Variants in TAX1BP1 observed in about 807,000 individuals in gnomAD.
TAX1BP1 encodes the protein Tax1 binding protein 1.
TAX1BP1 carries 62 observed loss-of-function variants against 97.7 expected under a neutral mutation model. The observed-to-expected ratio is 0.63, with a 90% CI of 0.52 to 0.78. The LOEUF (loss-of-function observed/expected upper bound fraction) is 0.78. Ranked by LOEUF, TAX1BP1 falls within the 30% of genes least tolerant of loss-of-function variation. The pLI, the probability that TAX1BP1 is intolerant of heterozygous loss-of-function variation, is 0.00. For synonymous variants in TAX1BP1, 340 were observed against 304.2 expected, an observed-to-expected ratio of 1.12 and a Z score of -1.23; for missense variants, 867 against 916.1, an observed-to-expected ratio of 0.95 and a Z score of 0.69.
At chr7:27,816,793 C>T (rs1233104808) in intron 14 of TAX1BP1, 97 bp from the exon 15 acceptor site, 8 of 1,445,754 alleles carry the variant, frequency 5.5e-6, no homozygotes, top group African/African-American at 4.3e-5. Context: ...TTTCACATGC[C>T]AAAGTGGTTC....
chr7:27,773,110 A>G (rs1161562671), intron 5 of TAX1BP1, among the ~76,000 whole-genome samples: 2 of 152,098 alleles, frequency 1.3e-5, no homozygotes, highest in East Asian at 1.9e-4. Flanking sequence ...TGAAGTAAGC[A>G]GTATCGTCTG....
At chr7:27,812,857 A>G (rs959645308) in intron 13 of TAX1BP1, among the ~76,000 whole-genome samples, 1 of 152,202 alleles carries the variant, frequency 6.6e-6, no homozygotes. Context: ...CAGCAAACTA[A>G]GGCCTATATG....
intron 5 of TAX1BP1, among the ~76,000 whole-genome samples, chr7:27,782,543 C>T (rs1562718326): frequency 6.6e-6 from 1 of 152,090 alleles, no homozygotes; most frequent in Non-Finnish European, 1.5e-5. Context: ...AGCTGCCACA[C>T]CGGCCAAATA....
intron 13 of TAX1BP1, among the ~76,000 whole-genome samples, chr7:27,810,303 A>G (rs998251265): frequency 2.0e-5 from 3 of 151,158 alleles, no homozygotes; most frequent in African/African-American, 7.3e-5. Flanking sequence ...CTACAGTAGC[A>G]TCTCTGGGGT....
chr7:27,794,265 A>C, intron 10 of TAX1BP1, 58 bp from the exon 11 acceptor site: 1 of 1,410,808 alleles, frequency 7.1e-7, no homozygotes, highest in Non-Finnish European at 9.7e-7. Flanking sequence ...AGTTACTGCA[A>C]GGAGGAAATA....
chr7:27,740,732 C>T (rs1787549836), intron 1 of TAX1BP1, among the ~76,000 whole-genome samples: 2 of 152,216 alleles, frequency 1.3e-5, no homozygotes, highest in South Asian at 4.1e-4. Flanking sequence ...GAGAAGGACG[C>T]TGGGGTTTGC....
intron 10 of TAX1BP1, among the ~76,000 whole-genome samples, chr7:27,794,080 G>T (rs772748252): frequency 2.6e-5 from 4 of 151,618 alleles, no homozygotes; most frequent in Non-Finnish European, 5.9e-5. Flanking sequence ...TTATTTTGGT[G>T]GTCTTTTGAT....
Position 27,828,674 on chromosome 7 carries a change from CCTAA to C in TAX1BP1, c.2219_2222del (p.Asn740MetfsTer46), listed in dbSNP as rs1232618386. On this transcript the variant is annotated frameshift_variant, in exon 17 of 17. Transcript: ENST00000396319. LOFTEE classifies it high-confidence loss of function. Reference sequence around the variant, plus strand: ...TCCCCTCTGTGAGTTAATGTTTCCTCCTAACTATGATCAGAGCAAATTTGAAGAA... The same window carrying C: ...TCCCCTCTGTGAGTTAATGTTTCCTCCTATGATCAGAGCAAATTTGAAGAA... The C allele has an allele frequency of 1.2e-6, 2 of 1,613,874 alleles. No homozygotes were observed. The highest frequency in any genetic ancestry group is 1.7e-6 in the Non-Finnish European group (2 of 1,179,970).
In TAX1BP1 at chr7:27,765,890, A is replaced by G; in HGVS notation, c.322A>G (p.Lys108Glu). ...TTATCAGTTCTGTTACGTTACCCATAAGGGTGAAATTCGTGGAGCAAGTAC... is the reference window on the plus strand; with the variant it reads ...TTATCAGTTCTGTTACGTTACCCATGAGGGTGAAATTCGTGGAGCAAGTAC... ...EFYQFCYVTH[K>E]GEIRGASTPF... is the part of the protein sequence containing the mutation. Residue 108 changes from lysine (K) to glutamate (E), a missense_variant, in exon 4 of 17, where the codon AAG (lysine) becomes GAG (glutamate). Lys to Glu is a moderately conservative substitution (Grantham distance 56). Coordinates refer to ENST00000396319, the MANE Select transcript of TAX1BP1 (RefSeq NM_006024.7). The G allele has an allele frequency of 6.2e-7, 1 of 1,614,156 alleles. No homozygotes were observed. Among genetic ancestry groups the G allele is most frequent in the Non-Finnish European group, 8.5e-7 (1 of 1,180,004 alleles).
chr7:27,747,711 A>G (rs560471065), intron 1 of TAX1BP1, among the ~76,000 whole-genome samples: 1 of 152,280 alleles, frequency 6.6e-6, no homozygotes, highest in East Asian at 1.9e-4. Context: ...AGTGAGAGGT[A>G]GAAGTTGTTG....
intron 7 of TAX1BP1, among the ~76,000 whole-genome samples, chr7:27,787,154 CA>C (rs1294111750): frequency 6.6e-6 from 1 of 152,088 alleles, no homozygotes; most frequent in African/African-American, 2.4e-5. Flanking sequence ...ACCATTAAAT[CA>C]AAGGAAAAGA....
At chr7:27,801,636 G>T (rs1160887579) in intron 13 of TAX1BP1, among the ~76,000 whole-genome samples, 1 of 152,170 alleles carries the variant, frequency 6.6e-6, no homozygotes, top group Non-Finnish European at 1.5e-5. Flanking sequence ...AGTGCTAGAA[G>T]TGTAATGGTA....
chr7:27,813,166 T>C (rs1033886327), intron 13 of TAX1BP1, among the ~76,000 whole-genome samples: 1 of 147,846 alleles, frequency 6.8e-6, no homozygotes. Context: ...TTTTTTTTTT[T>C]TCTTAAAGAC....
intron 1 of TAX1BP1, among the ~76,000 whole-genome samples, chr7:27,746,130 A>T (rs1193824395): frequency 6.6e-6 from 1 of 152,058 alleles, no homozygotes; most frequent in Non-Finnish European, 1.5e-5. Flanking sequence ...AGGAAATGAT[A>T]TGTTAAATTT....
At chr7:27,773,183 A>G (rs1788907996) in intron 5 of TAX1BP1, among the ~76,000 whole-genome samples, 1 of 152,116 alleles carries the variant, frequency 6.6e-6, no homozygotes, top group Non-Finnish European at 1.5e-5. Context: ...TTAGTAAGTG[A>G]TAGAGGCTAG....
At position 27,788,072 on chromosome 7, in the gene TAX1BP1, C is replaced by T. The variant is rs562806812; in HGVS notation, c.1038+469C>T. On this transcript the variant is annotated intron_variant, in intron 8 of 16. Coordinates refer to ENST00000396319, the MANE Select transcript of TAX1BP1 (RefSeq NM_006024.7). ...TTATTTTGATTGTTGTATTTTGAGT[C>T]GGTTTCAGTCTAGAATAGTGTCCCT... Among the ~76,000 whole-genome samples, 4 of 151,670 alleles carry T rather than the reference C, an allele frequency of 2.6e-5. No homozygotes were observed. In the South Asian group the frequency reaches 8.4e-4, roughly 32 times the overall value.
chr7:27,815,553 C>A (rs1458732849), intron 13 of TAX1BP1, among the ~76,000 whole-genome samples: 1 of 151,924 alleles, frequency 6.6e-6, no homozygotes, highest in African/African-American at 2.4e-5. Flanking sequence ...TAAGTTAAGG[C>A]TTTTGCATCA....
intron 1 of TAX1BP1, among the ~76,000 whole-genome samples, chr7:27,747,207 A>G (rs902262807): frequency 2.6e-5 from 4 of 152,220 alleles, no homozygotes; most frequent in African/African-American, 9.6e-5. Context: ...TGTGTATTGT[A>G]GAATTAGTGA....
intron 1 of TAX1BP1, among the ~76,000 whole-genome samples, chr7:27,746,080 T>TA (rs1208926543): frequency 2.6e-5 from 4 of 151,924 alleles, no homozygotes; most frequent in Non-Finnish European, 2.9e-5. Flanking sequence ...CCTTGTTTTA[T>TA]AAAAAAAATA....
Sources: allele counts gnomAD v4.1 joint callset (sites outside exome capture counted in the v4.1 genomes callset), GRCh38; gene constraint gnomAD v4.1.1; transcripts MANE v1.5; gene names NCBI Gene and HGNC (gene_info 2026-07-23, HGNC 2026-07-21).